Variants in DDR2 observed in about 807,000 individuals in gnomAD.
DDR2 encodes the protein discoidin domain-containing receptor 2.
A neutral mutation model predicts 94.9 loss-of-function variants in DDR2; 27 were observed. The observed-to-expected ratio is 0.28, with a 90% CI of 0.21 to 0.39. The LOEUF (loss-of-function observed/expected upper bound fraction) is 0.39. Ranked by LOEUF, DDR2 falls within the 10% of genes least tolerant of loss-of-function variation. The probability of loss-of-function intolerance (pLI) is 1.00; values close to 1 mark genes in which losing one functional copy is unlikely to be tolerated. For missense variants in DDR2, 783 were observed against 1,076.0 expected, an observed-to-expected ratio of 0.73 and a Z score of 3.81; for synonymous variants, 382 against 377.2, an observed-to-expected ratio of 1.01 and a Z score of -0.15.
chr1:162,753,207 G>A lies in DDR2; in HGVS notation c.185+10G>A. On this transcript the variant is annotated intron_variant, in intron 4 of 17. Coordinates refer to ENST00000367921, the MANE Select transcript of DDR2 (RefSeq NM_006182.4). Reference sequence around the variant, plus strand: ...CTGCCAAATATGGAAGGTGAGGATGGTTACATCAAGAAAGCCCATGTTCTG... The same window carrying A: ...CTGCCAAATATGGAAGGTGAGGATGATTACATCAAGAAAGCCCATGTTCTG... The A allele has an allele frequency of 1.2e-6, 2 of 1,611,404 alleles. No individual in the cohort carries two copies. The highest frequency in any genetic ancestry group is 1.7e-6 in the Non-Finnish European group (2 of 1,178,006).
At chr1:162,713,446 C>T (rs997538982) in intron 2 of DDR2, among the ~76,000 whole-genome samples, 1 of 152,174 alleles carries the variant, frequency 6.6e-6, no homozygotes, top group Non-Finnish European at 1.5e-5. Context: ...CCTTTGATCA[C>T]CATTCACAAT....
intron 2 of DDR2, among the ~76,000 whole-genome samples, chr1:162,708,938 C>T (rs1245703277): frequency 6.6e-6 from 1 of 152,138 alleles, no homozygotes. Context: ...TGATGCCAGG[C>T]ACAGTGAAAA....
intron 3 of DDR2, among the ~76,000 whole-genome samples, chr1:162,740,238 G>C (rs1662523141): frequency 6.6e-6 from 1 of 152,152 alleles, no homozygotes; most frequent in Non-Finnish European, 1.5e-5. Flanking sequence ...GTATAAGAAA[G>C]ATATTTAAAA....
chr1:162,756,465 C>T (rs943452804), intron 7 of DDR2, among the ~76,000 whole-genome samples: 1 of 152,312 alleles, frequency 6.6e-6, no homozygotes, highest in Middle Eastern at 3.4e-3. Context: ...GATGCTCCCA[C>T]CTATACTGTT....
At chr1:162,770,587 C>T in intron 12 of DDR2, 75 bp downstream of exon 12, 7 of 1,367,032 alleles carry the variant, frequency 5.1e-6, no homozygotes, top group Non-Finnish European at 7.3e-6. Context: ...CACGCCTGCT[C>T]CCAGTTCATT....
Position 162,780,328 on chromosome 1 carries a change from T to A in DDR2, c.*82T>A. 6.3e-7 allele frequency: 1 copy of A among 1,593,818 alleles called. No homozygotes were observed. The highest frequency in any genetic ancestry group is 8.6e-7 in the Non-Finnish European group (1 of 1,166,710). ...ACTCACCCATGCCTATGCCACTCCA[T>A]CTGGACATTTAATGAAACTGAGAGA... On this transcript the variant is annotated 3_prime_UTR_variant, in exon 18 of 18. Transcript: ENST00000367921.
intron 1 of DDR2, among the ~76,000 whole-genome samples, chr1:162,635,216 G>C (rs1248997756): frequency 2.6e-5 from 4 of 152,028 alleles, no homozygotes; most frequent in African/African-American, 9.7e-5. Flanking sequence ...CCCCAGTCTT[G>C]AAGTCATCTG....
At chr1:162,700,126 A>C (rs1660366408) in intron 2 of DDR2, among the ~76,000 whole-genome samples, 1 of 152,270 alleles carries the variant, frequency 6.6e-6, no homozygotes, top group Non-Finnish European at 1.5e-5. Context: ...GATGTCTAGC[A>C]CATTTACAGT....
At chr1:162,701,300 T>C (rs1417945805) in intron 2 of DDR2, among the ~76,000 whole-genome samples, 1 of 152,248 alleles carries the variant, frequency 6.6e-6, no homozygotes, top group Non-Finnish European at 1.5e-5. Flanking sequence ...CCTGATATCC[T>C]AGTTTTGCCA....
At chr1:162,759,327 C>T (rs1663606610) in intron 7 of DDR2, among the ~76,000 whole-genome samples, 1 of 152,114 alleles carries the variant, frequency 6.6e-6, no homozygotes, top group African/African-American at 2.4e-5. Context: ...CAGCACCAAG[C>T]TCTGGAAACA....
chr1:162,779,717 A>G (rs955595655), intron 17 of DDR2, among the ~76,000 whole-genome samples: 3 of 152,196 alleles, frequency 2.0e-5, no homozygotes, highest in Non-Finnish European at 2.9e-5. Flanking sequence ...TACATGAGAT[A>G]AGTGAGTGGG....
At chr1:162,692,574 G>A (rs534845642) in intron 2 of DDR2, among the ~76,000 whole-genome samples, 173 of 152,324 alleles carry the variant, frequency 1.1e-3, no homozygotes, top group African/African-American at 3.8e-3. Flanking sequence ...CTTTACCTCA[G>A]TCACTAGGGA....
At chr1:162,776,921 C>A (rs2102201531) in intron 16 of DDR2, among the ~76,000 whole-genome samples, 1 of 152,178 alleles carries the variant, frequency 6.6e-6, no homozygotes, top group South Asian at 2.1e-4. Context: ...ATACCTGAGA[C>A]TTTTTATTGT....
At chr1:162,730,401 A>G (rs1009732724) in intron 3 of DDR2, among the ~76,000 whole-genome samples, 1 of 152,184 alleles carries the variant, frequency 6.6e-6, no homozygotes, top group Non-Finnish European at 1.5e-5. Context: ...TGATTGTTAT[A>G]CATAAAGGAA....
At chr1:162,756,754 C>G (rs1250656232) in intron 7 of DDR2, among the ~76,000 whole-genome samples, 1 of 152,204 alleles carries the variant, frequency 6.6e-6, no homozygotes, top group Non-Finnish European at 1.5e-5. Context: ...ATCCACTCTT[C>G]TACTCCTAGT....
At chr1:162,687,864 A>C (rs1188811358) in intron 2 of DDR2, among the ~76,000 whole-genome samples, 1 of 152,208 alleles carries the variant, frequency 6.6e-6, no homozygotes, top group Non-Finnish European at 1.5e-5. Context: ...TAATGGGGTC[A>C]CGAGGTGGAT....
chr1:162,704,329 G>A (rs907068267), intron 2 of DDR2, among the ~76,000 whole-genome samples: 6 of 152,130 alleles, frequency 3.9e-5, no homozygotes, highest in East Asian at 1.9e-4. Flanking sequence ...TTGTAAAGGG[G>A]CAGCAAAGCC....
intron 1 of DDR2, among the ~76,000 whole-genome samples, chr1:162,633,729 A>G (rs961527257): frequency 4.6e-5 from 7 of 152,194 alleles, no homozygotes; most frequent in African/African-American, 1.7e-4. Context: ...TCAGTAATAG[A>G]GAGGACGCCA....
At chr1:162,671,638 C>T (rs887309725) in intron 2 of DDR2, among the ~76,000 whole-genome samples, 3 of 152,156 alleles carry the variant, frequency 2.0e-5, no homozygotes, top group African/African-American at 7.2e-5. Context: ...TTGGTTCTCT[C>T]TTCCTAGTCT....
Sources: allele counts gnomAD v4.1 joint callset (sites outside exome capture counted in the v4.1 genomes callset), GRCh38; gene constraint gnomAD v4.1.1; transcripts MANE v1.5; gene names NCBI Gene and HGNC (gene_info 2026-07-23, HGNC 2026-07-21).